The following SEC23B variants were observed in gnomAD, a reference collection of about 807,000 sequenced individuals.
SEC23B encodes the protein protein transport protein Sec23B.
Under a neutral mutation model 104.3 loss-of-function variants are expected in SEC23B, and 77 were observed. The ratio of observed to expected loss-of-function variants is 0.74; its 90% CI spans 0.61 to 0.89. SEC23B has a LOEUF of 0.89. Among genes scored for constraint, SEC23B ranks in the 40% least tolerant of loss-of-function variants. The pLI is 0.00. For synonymous variants in SEC23B, 338 were observed against 332.5 expected, an observed-to-expected ratio of 1.02 and a Z score of -0.18; for missense variants, 885 against 949.4, an observed-to-expected ratio of 0.93 and a Z score of 0.89.
intron 12 of SEC23B, among the ~76,000 whole-genome samples, chr20:18,542,000 A>G (rs1478225106): frequency 6.6e-6 from 1 of 152,198 alleles, no homozygotes; most frequent in African/African-American, 2.4e-5. Flanking sequence ...TGATTCATCA[A>G]TCCATCTTCG....
intron 2 of SEC23B, among the ~76,000 whole-genome samples, chr20:18,511,944 T>C (rs909732391): frequency 1.3e-5 from 2 of 152,188 alleles, no homozygotes; most frequent in Admixed American, 6.5e-5. Flanking sequence ...ATGTATAATT[T>C]ATATAAATCA....
rs374644863 is a variant in SEC23B, at chr20:18,555,108, G to T, written c.2149G>T (p.Ala717Ser). The T allele has an allele frequency of 3.1e-6, 5 of 1,612,944 alleles. No homozygotes were observed. The African/African-American group carries it at 4.0e-5, about 13-fold the overall frequency. ...CTTTTTGTTGTTGTTGTTGTTAAAG[G>T]CTCGATTCCTTTTGTCCAAAGTGAA... ...YINTEHGGSQ[A>S]RFLLSKVNPS... The change falls in exon 19 of 20, where the codon GCT (alanine) becomes TCT (serine). Residue 717 changes from alanine (A) to serine (S), a missense_variant and splice_region_variant. Physicochemically the swap from Ala to Ser is moderately conservative, Grantham distance 99. Coordinates refer to ENST00000650089, the MANE Select transcript of SEC23B (RefSeq NM_006363.6).
chr20:18,512,388 T>G (rs1457783988), intron 3 of SEC23B, 106 bp downstream of exon 3: 2 of 703,378 alleles, frequency 2.8e-6, no homozygotes, highest in Admixed American at 4.4e-5. Context: ...GAGCAGTTTC[T>G]GCTGAACTCA....
chr20:18,538,200 A>G (rs1332177623), intron 12 of SEC23B, among the ~76,000 whole-genome samples: 1 of 151,308 alleles, frequency 6.6e-6, no homozygotes, highest in Admixed American at 6.6e-5. Flanking sequence ...CTCAGCTCCC[A>G]AAGTGTTGGA....
chr20:18,535,718 C>A lies in SEC23B; in HGVS notation c.1380C>A (p.Gly460=), dbSNP rs201656419. ...GCCTAGATCCTACATCTACACTTGG[C>A]ATCTATTTTGAAGTTGTCAATCAGG... ...ICGLDPTSTL[G]IYFEVVNQHN... is the part of the protein sequence containing the mutation. The change falls in exon 12 of 20, where the codon GGC becomes GGA. Residue 460 remains glycine (G), a synonymous_variant. Transcript: ENST00000650089. The A allele has an allele frequency of 3.9e-5, 63 of 1,613,960 alleles. 1 individual carries two copies. The East Asian group carries it at 1.1e-3, about 29-fold the overall frequency.
At chr20:18,508,716 C>CTTTTTTTTTTTTTTTTTTTTTT (rs398035473) in intron 1 of SEC23B, among the ~76,000 whole-genome samples, 3 of 97,482 alleles carry the variant, frequency 3.1e-5, no homozygotes, top group African/African-American at 1.2e-4. Context: ...GCAGTAGCTT[C>CTTTTTTTTTTTTTTTTTTTTTT]TTTTTTTTTT....
chr20:18,530,802 A>G lies in SEC23B; in HGVS notation c.1232A>G (p.Lys411Arg), dbSNP rs201288091. Residue 411 changes from lysine to arginine, a missense_variant and splice_region_variant, in exon 10 of 20, where the codon AAG becomes AGG. Lys to Arg is a conservative substitution (Grantham distance 26). Coordinates refer to ENST00000650089, the MANE Select transcript of SEC23B (RefSeq NM_006363.6). The stretch of plus-strand genomic sequence containing the variant: ...GCATTTGGTGCTACTTTGGACGTAA[A>G]GGTACGGTAAACTTTTTTTTTTTTT... ...RMAFGATLDV[K>R]TSRELKIAGA... 1.9e-5 allele frequency: 31 copies of G among 1,603,712 alleles called. No individual in the cohort carries two copies. In the East Asian group the frequency reaches 6.6e-4, roughly 34 times the overall value.
intron 12 of SEC23B, among the ~76,000 whole-genome samples, chr20:18,537,119 A>G (rs1465590763): frequency 2.6e-5 from 4 of 152,116 alleles, no homozygotes; most frequent in Non-Finnish European, 5.9e-5. Context: ...GTGGAGAAAT[A>G]GGAACACTTT....
In SEC23B at chr20:18,518,582, G is replaced by GTTTTTTTTT. The variant is rs57231166; in HGVS notation, c.366+2861_366+2869dup. On this transcript the variant is annotated intron_variant, in intron 4 of 19. Coordinates refer to ENST00000650089, the MANE Select transcript of SEC23B (RefSeq NM_006363.6). ...AATGGGCCTGTGAGGCTGGAAGGAG[G>GTTTTTTTTT]TTTTTTTTTTTTTTTTTTTTTTTGT... 6.0e-3 allele frequency among the ~76,000 whole-genome samples: 556 copies of GTTTTTTTTT among 92,648 alleles called. 49 individuals are homozygous for GTTTTTTTTT. Among genetic ancestry groups the GTTTTTTTTT allele is most frequent in the African/African-American group, 0.018 (427 of 23,696 alleles). 60.8% of individuals were successfully genotyped at this position (92,648 alleles called of 152,430 possible).
chr20:18,519,340 C>T (rs6075354), intron 4 of SEC23B, among the ~76,000 whole-genome samples: 121,654 of 150,752 alleles, frequency 0.81, 50,717 homozygotes, highest in Non-Finnish European at 0.93. Context: ...CTGAAGGAGC[C>T]GGGGAGCAGA....
rs1029131099 is a variant in SEC23B, at chr20:18,556,265, C to A, written c.2214+1092C>A. ...TATCCGTGGCCTGCAGTTGGGGACC[C>A]CTGATTTAAAGTGTATGGGAGGGTA... On this transcript the variant is annotated intron_variant, in intron 19 of 19. Coordinates refer to ENST00000650089, the MANE Select transcript of SEC23B (RefSeq NM_006363.6). Among the ~76,000 whole-genome samples the A allele has an allele frequency of 3.9e-5, 6 of 152,028 alleles. No homozygotes were observed. The East Asian group carries it at 1.2e-3, about 29-fold the overall frequency.
At chr20:18,546,915 T>G (rs112515283) in intron 15 of SEC23B, among the ~76,000 whole-genome samples, 3,550 of 150,386 alleles carry the variant, frequency 0.024, 70 homozygotes, top group Non-Finnish European at 0.032. Flanking sequence ...TTTTTTTTTT[T>G]TTTTTTTTTT....
intron 4 of SEC23B, among the ~76,000 whole-genome samples, chr20:18,520,520 G>T (rs1483134577): frequency 6.6e-6 from 1 of 152,098 alleles, no homozygotes; most frequent in Non-Finnish European, 1.5e-5. Context: ...TGTGGCTGTA[G>T]CCTGGGAATA....
rs78382161 is a variant in SEC23B at position 18,533,773 on chromosome 20, T to G, written c.1314+1029T>G. On this transcript the variant is annotated intron_variant, in intron 11 of 19. Coordinates refer to ENST00000650089, the MANE Select transcript of SEC23B (RefSeq NM_006363.6). ...GATTGCTGCCCTAAAGCCCATCTGA[T>G]GAGTCATTCATTACCCCCAGAGTAC... Among the ~76,000 whole-genome samples, 276 of 152,326 alleles carry G rather than the reference T, an allele frequency of 1.8e-3. 4 individuals are homozygous for G. The South Asian group carries it at 0.039, about 21-fold the overall frequency.
intron 4 of SEC23B, among the ~76,000 whole-genome samples, chr20:18,516,248 CT>C (rs71194246): frequency 0.13 from 18,456 of 138,972 alleles, 1,198 homozygotes; most frequent in Admixed American, 0.19. Context: ...CACAGTAATT[CT>C]TTTTTTTTTT....
chr20:18,560,590 C>T, intron 19 of SEC23B, 61 bp from the exon 20 acceptor site: 1 of 1,326,092 alleles, frequency 7.5e-7, no homozygotes, highest in South Asian at 1.2e-5. Flanking sequence ...TGCTTGACAG[C>T]TCATGAATTC....
At chr20:18,529,163 A>G (rs2060160115) in intron 9 of SEC23B, among the ~76,000 whole-genome samples, 1 of 152,232 alleles carries the variant, frequency 6.6e-6, no homozygotes, top group Non-Finnish European at 1.5e-5. Flanking sequence ...CTGAAGACAC[A>G]TGGGGGTGTG....
chr20:18,536,769 C>T (rs1157132323), intron 12 of SEC23B, among the ~76,000 whole-genome samples: 1 of 151,898 alleles, frequency 6.6e-6, no homozygotes, highest in Non-Finnish European at 1.5e-5. Flanking sequence ...GACTGGGAAC[C>T]TGACCGATAA....
intron 17 of SEC23B, 136 bp from the exon 18 acceptor site, chr20:18,554,099 C>T (rs2060413102): frequency 9.6e-7 from 1 of 1,039,308 alleles, no homozygotes; most frequent in Non-Finnish European, 1.4e-6. Flanking sequence ...TTTGCTCTCC[C>T]TCTGAAGCTT....
Sources: gnomAD v4.1 joint callset for allele counts (sites outside exome capture counted in the v4.1 genomes callset) on GRCh38, gnomAD v4.1.1 for gene constraint, MANE v1.5 for transcripts, NCBI Gene and HGNC (gene_info 2026-07-23, HGNC 2026-07-21) for gene names.